EYS: variants seen among roughly 807,000 people sequenced by gnomAD.
EYS encodes the protein EGF-like photoreceptor maintenance factor.
EYS carries 250 observed loss-of-function variants against 282.1 expected under a neutral mutation model. The ratio of observed to expected loss-of-function variants is 0.89; its 90% CI spans 0.80 to 0.98. The LOEUF is 0.98. EYS is among the 50% of genes least tolerant of loss of function. EYS has a pLI of 0.00. For missense variants in EYS, 4,016 were observed against 3,709.0 expected (o/e 1.08, Z -2.15); for synonymous variants, 1,355 against 1,282.9 (o/e 1.06, Z -1.20).
intron 2 of EYS, among the ~76,000 whole-genome samples, chr6:65,611,644 T>C (rs865786879): frequency 6.6e-6 from 1 of 152,146 alleles, no homozygotes; most frequent in Non-Finnish European, 1.5e-5. Context: ...GTCCTATTAG[T>C]ACACATAAAG....
intron 31 of EYS, among the ~76,000 whole-genome samples, chr6:64,122,568 T>C (rs1773625883): frequency 6.6e-6 from 1 of 152,154 alleles, no homozygotes; most frequent in African/African-American, 2.4e-5. Flanking sequence ...CTCCATTTAC[T>C]AGTTGTGTGA....
intron 13 of EYS, among the ~76,000 whole-genome samples, chr6:65,023,148 T>G (rs2150139569): frequency 6.6e-6 from 1 of 152,286 alleles, no homozygotes; most frequent in South Asian, 2.1e-4. Flanking sequence ...TTCAGTAAAT[T>G]TTATGAATTA....
chr6:65,141,289 C>T (rs1764333191), intron 12 of EYS, among the ~76,000 whole-genome samples: 1 of 151,876 alleles, frequency 6.6e-6, no homozygotes, highest in African/African-American at 2.4e-5. Context: ...GGGAATTGAA[C>T]AACGAGAACA....
At chr6:65,217,725 G>T (rs1265919268) in intron 12 of EYS, among the ~76,000 whole-genome samples, 1 of 152,060 alleles carries the variant, frequency 6.6e-6, no homozygotes, top group African/African-American at 2.4e-5. Flanking sequence ...ATCTTTATGA[G>T]CATGGAGCTA....
At position 64,275,475 on chromosome 6, in the gene EYS, A is replaced by C. The variant is rs1436188861; in HGVS notation, c.6191+31495T>G. On this transcript the variant is annotated intron_variant, in intron 30 of 42. Coordinates refer to ENST00000503581, the MANE Select transcript of EYS (RefSeq NM_001142800.2). ...TCTTTTTTTTTTTTTCTTGAGACGG[A>C]GTCTCGCTCTGTCACCCAGGCAGTG... Among the ~76,000 whole-genome samples the C allele has an allele frequency of 3.8e-5, 5 of 132,358 alleles. No homozygotes were observed. In the East Asian group the frequency reaches 8.9e-4, roughly 23 times the overall value. The allele number at this position is 132,358 out of a possible 152,430, so 86.8% of individuals were successfully genotyped here.
chr6:64,385,667 A>C (rs554070846), intron 29 of EYS, among the ~76,000 whole-genome samples: 2 of 152,324 alleles, frequency 1.3e-5, no homozygotes, highest in South Asian at 4.1e-4. Flanking sequence ...TGCAATTTCA[A>C]AACTCTGTCC....
chr6:64,690,844 G>A (rs148419497), intron 22 of EYS, among the ~76,000 whole-genome samples: 3,172 of 151,982 alleles, frequency 0.021, 117 homozygotes, highest in African/African-American at 0.072. Context: ...TGGGGGGAGC[G>A]GGGAGGGATA....
chr6:65,353,396 A>G (rs2150327094), intron 9 of EYS, 62 bp downstream of exon 9: 1 of 1,421,718 alleles, frequency 7.0e-7, no homozygotes, highest in Non-Finnish European at 9.9e-7. Flanking sequence ...GAAAATGAAT[A>G]CGTGACTAGC....
At chr6:64,091,005 T>C (rs1316731079) in intron 31 of EYS, among the ~76,000 whole-genome samples, 1 of 152,182 alleles carries the variant, frequency 6.6e-6, no homozygotes. Flanking sequence ...AGTAACCCTT[T>C]CAGTTTGGCA....
At chr6:64,025,242 G>A (rs1007606092) in intron 33 of EYS, among the ~76,000 whole-genome samples, 10 of 152,102 alleles carry the variant, frequency 6.6e-5, no homozygotes, top group South Asian at 6.2e-4. Context: ...AGTTGGGACC[G>A]TTGGTTTGCC....
intron 35 of EYS, among the ~76,000 whole-genome samples, chr6:63,911,709 T>G (rs1764255021): frequency 6.6e-6 from 1 of 152,218 alleles, no homozygotes; most frequent in Non-Finnish European, 1.5e-5. Flanking sequence ...TTTTTTAGGT[T>G]AAATACAAAT....
intron 5 of EYS, among the ~76,000 whole-genome samples, chr6:65,415,790 G>A (rs74732884): frequency 0.025 from 3,820 of 152,064 alleles, 159 homozygotes; most frequent in African/African-American, 0.088. Flanking sequence ...AGGAAGAGAC[G>A]TAATAAATGG....
Position 64,902,153 on chromosome 6 carries a change from G to A in EYS, c.2806C>T (p.Pro936Ser). 1.3e-6 allele frequency: 2 copies of A among 1,550,234 alleles called. No homozygotes were observed. The highest frequency in any genetic ancestry group is 1.2e-5 in the South Asian group (1 of 83,760). ...EIEINECSSE[P>S]CKNNGTCVDL... ...ACACATGTTCCATTATTTTTGCAAGGTTCAGAGGAACATTCATTAATTTCA... is the reference window on the plus strand; with the variant it reads ...ACACATGTTCCATTATTTTTGCAAGATTCAGAGGAACATTCATTAATTTCA... The change falls in exon 18 of 43, where the codon CCT (proline) becomes TCT (serine). Residue 936 changes from proline (P) to serine (S), a missense_variant. Coordinates refer to ENST00000503581, the MANE Select transcript of EYS (RefSeq NM_001142800.2).
chr6:65,442,365 T>G (rs538049881), intron 5 of EYS, among the ~76,000 whole-genome samples: 3 of 152,106 alleles, frequency 2.0e-5, no homozygotes, highest in Non-Finnish European at 4.4e-5. Flanking sequence ...TCTTATGCAT[T>G]CTAAAGTTTA....
intron 5 of EYS, among the ~76,000 whole-genome samples, chr6:65,438,778 C>T (rs1386064193): frequency 1.3e-5 from 2 of 152,036 alleles, no homozygotes; most frequent in African/African-American, 2.4e-5. Flanking sequence ...GAGTAGATTG[C>T]AAAAATTTTC....
intron 30 of EYS, among the ~76,000 whole-genome samples, chr6:64,284,531 G>A (rs6912177): frequency 0.69 from 103,644 of 151,264 alleles, 35,518 homozygotes; most frequent in South Asian, 0.71. Context: ...GGAGGATGAC[G>A]GCCCTCTTTC....
chr6:65,626,924 A>C (rs148304976), intron 2 of EYS, among the ~76,000 whole-genome samples: 1,523 of 152,038 alleles, frequency 0.01, 9 homozygotes, highest in Non-Finnish European at 0.016. Context: ...CACACACACA[A>C]AAAACTGTCT....
intron 36 of EYS, among the ~76,000 whole-genome samples, chr6:63,818,084 A>G (rs1296391376): frequency 1.3e-5 from 2 of 152,216 alleles, no homozygotes; most frequent in Non-Finnish European, 2.9e-5. Flanking sequence ...TAAGATTATA[A>G]AACAAATCCA....
intron 31 of EYS, among the ~76,000 whole-genome samples, chr6:64,170,252 G>T (rs11756096): frequency 6.6e-6 from 1 of 152,020 alleles, no homozygotes; most frequent in African/African-American, 2.4e-5. Context: ...TCTTGATTAA[G>T]GAAGCTTTGG....
Sources: gnomAD v4.1 joint callset for allele counts (sites outside exome capture counted in the v4.1 genomes callset) on GRCh38, gnomAD v4.1.1 for gene constraint, MANE v1.5 for transcripts, NCBI Gene and HGNC (gene_info 2026-07-23, HGNC 2026-07-21) for gene names.